The following PDE6D variants were observed in gnomAD, a reference collection of about 807,000 sequenced individuals.
PDE6D encodes phosphodiesterase 6D.
Under a neutral mutation model 21.9 loss-of-function variants are expected in PDE6D, and 10 were observed. That is an observed-to-expected ratio of 0.46 (90% confidence interval 0.28 to 0.78). The LOEUF (loss-of-function observed/expected upper bound fraction) is 0.78. Among genes scored for constraint, PDE6D ranks in the 30% least tolerant of loss-of-function variants. The probability of loss-of-function intolerance (pLI) is 0.12; values close to 1 mark genes in which losing one functional copy is unlikely to be tolerated. For missense variants in PDE6D, 139 were observed against 184.8 expected (o/e 0.75, Z 1.44); for synonymous variants, 59 against 63.5 (o/e 0.93, Z 0.34).
At chr2:231,764,409 C>T (rs2048954315) in intron 1 of PDE6D, among the ~76,000 whole-genome samples, 1 of 152,146 alleles carries the variant, frequency 6.6e-6, no homozygotes, top group African/African-American at 2.4e-5. Flanking sequence ...TCCTCATACA[C>T]ATTTCTGAGG....
intron 1 of PDE6D, among the ~76,000 whole-genome samples, chr2:231,770,949 A>G (rs1049660579): frequency 6.8e-6 from 1 of 145,992 alleles, no homozygotes; most frequent in African/African-American, 2.7e-5. Flanking sequence ...GTGAGACTTC[A>G]TTTCAAAAAA....
At chr2:231,770,837 C>T (rs1041237608) in intron 1 of PDE6D, among the ~76,000 whole-genome samples, 2 of 151,880 alleles carry the variant, frequency 1.3e-5, no homozygotes, top group African/African-American at 4.8e-5. Flanking sequence ...CCTGTAATCC[C>T]AGCTGCTCGG....
rs1025542719 is a variant in PDE6D, at chr2:231,746,331, C to T, written c.51-7143G>A. Among the ~76,000 whole-genome samples, 8 of 152,164 alleles carry T rather than the reference C, an allele frequency of 5.3e-5. No individual in the cohort carries two copies. In the South Asian group the frequency reaches 1.7e-3, roughly 32 times the overall value. ...TAATTTTTTGTATTTTTAGTACAGA[C>T]GGGGTTTCACTATGTTGCCCAGGCT... is the stretch of plus-strand genomic sequence containing the variant. On this transcript the variant is annotated intron_variant, in intron 1 of 4. Transcript: ENST00000287600.
chr2:231,752,391 G>T (rs1244651570), intron 1 of PDE6D, among the ~76,000 whole-genome samples: 1 of 152,144 alleles, frequency 6.6e-6, no homozygotes, highest in Non-Finnish European at 1.5e-5. Flanking sequence ...GTTGTTCCAG[G>T]ATTATATGAA....
intron 1 of PDE6D, among the ~76,000 whole-genome samples, chr2:231,752,026 TTCAA>T (rs2048843811): frequency 6.6e-6 from 1 of 152,250 alleles, no homozygotes; most frequent in African/African-American, 2.4e-5. Context: ...ATTTGTTTTA[TTCAA>T]TCATTTATAT....
At chr2:231,744,434 CTTTTTT>C (rs71396691) in intron 1 of PDE6D, among the ~76,000 whole-genome samples, 2 of 136,222 alleles carry the variant, frequency 1.5e-5, no homozygotes, top group Admixed American at 7.4e-5. Context: ...AATTGCTTTT[CTTTTTT>C]TTTTTTTTTT....
chr2:231,746,205 A>G (rs533694320), intron 1 of PDE6D, among the ~76,000 whole-genome samples: 76 of 151,998 alleles, frequency 5.0e-4, no homozygotes, highest in Non-Finnish European at 9.3e-4. Flanking sequence ...GCAGTGGTGC[A>G]ATCTCGGCTC....
rs180732633 is a variant in PDE6D, at chr2:231,742,322, C to T, written c.51-3134G>A. On this transcript the variant is annotated intron_variant, in intron 1 of 4. Coordinates refer to ENST00000287600, the MANE Select transcript of PDE6D (RefSeq NM_002601.4). ...TTTTTAACTGGAGATGGGGTTTCTC[C>T]ATGTTGTTCAGGCTGGTCTCAAACT... Among the ~76,000 whole-genome samples the T allele has an allele frequency of 4.0e-4, 61 of 152,264 alleles. 1 individual carries two copies. Among genetic ancestry groups the T allele is most frequent in the Admixed American group, 1.6e-3 (25 of 15,288 alleles).
chr2:231,740,176 T>C (rs2048735931), intron 1 of PDE6D, among the ~76,000 whole-genome samples: 1 of 152,204 alleles, frequency 6.6e-6, no homozygotes, highest in East Asian at 1.9e-4. Context: ...TGATGTTCTC[T>C]GTCAGAAAAT....
chr2:231,752,994 G>A (rs1251082167), intron 1 of PDE6D, among the ~76,000 whole-genome samples: 1 of 150,562 alleles, frequency 6.6e-6, no homozygotes, highest in Non-Finnish European at 1.5e-5. Context: ...ACCACGCCCG[G>A]CTAATTTTTT....
At chr2:231,772,084 T>C (rs940292116) in intron 1 of PDE6D, among the ~76,000 whole-genome samples, 6 of 152,168 alleles carry the variant, frequency 3.9e-5, no homozygotes, top group African/African-American at 1.2e-4. Flanking sequence ...AATCTTGTAC[T>C]TCCTCTGAGA....
intron 1 of PDE6D, among the ~76,000 whole-genome samples, chr2:231,757,342 G>T (rs2048890701): frequency 6.6e-6 from 1 of 152,144 alleles, no homozygotes; most frequent in South Asian, 2.1e-4. Context: ...TTGTTGCCCA[G>T]GCTGGAGTGC....
chr2:231,748,643 A>T (rs1470668285), intron 1 of PDE6D, among the ~76,000 whole-genome samples: 2 of 152,226 alleles, frequency 1.3e-5, no homozygotes, highest in Non-Finnish European at 2.9e-5. Flanking sequence ...ACAAGGCCAC[A>T]TCAGAGAACT....
intron 1 of PDE6D, among the ~76,000 whole-genome samples, chr2:231,757,454 C>T (rs775507185): frequency 3.9e-5 from 6 of 152,134 alleles, no homozygotes; most frequent in African/African-American, 7.2e-5. Context: ...CGTGCGACCA[C>T]GCCCAGCTAA....
intron 1 of PDE6D, among the ~76,000 whole-genome samples, 155 bp downstream of exon 1, chr2:231,780,900 GCGCCGGGTCC>G (rs1471752345): frequency 3.9e-4 from 60 of 152,168 alleles, no homozygotes; most frequent in Admixed American, 3.2e-3. Context: ...GGCGCCTCTC[GCGCCGGGTCC>G]CGCCGGGTGC....
At chr2:231,768,268 CTTCCTCA>C (rs2106283635) in intron 1 of PDE6D, among the ~76,000 whole-genome samples, 1 of 152,288 alleles carries the variant, frequency 6.6e-6, no homozygotes, top group Admixed American at 6.5e-5. Context: ...GGTCCTCATC[CTTCCTCA>C]TTCCTGACTC....
intron 1 of PDE6D, among the ~76,000 whole-genome samples, chr2:231,758,173 C>G (rs1219018182): frequency 6.6e-6 from 1 of 152,128 alleles, no homozygotes; most frequent in Non-Finnish European, 1.5e-5. Flanking sequence ...CTTAGATAGA[C>G]AGACAGATAG....
At chr2:231,752,222 C>T (rs2048845153) in intron 1 of PDE6D, among the ~76,000 whole-genome samples, 1 of 146,072 alleles carries the variant, frequency 6.8e-6, no homozygotes, top group African/African-American at 2.6e-5. Flanking sequence ...AGTTTATAGT[C>T]AGAAGGAAAA....
At chr2:231,774,084 C>G (rs2049035199) in intron 1 of PDE6D, among the ~76,000 whole-genome samples, 1 of 152,042 alleles carries the variant, frequency 6.6e-6, no homozygotes, top group African/African-American at 2.4e-5. Flanking sequence ...CAGGTGCACA[C>G]CACTACGCCT....
Sources: allele counts gnomAD v4.1 joint callset (sites outside exome capture counted in the v4.1 genomes callset), GRCh38; gene constraint gnomAD v4.1.1; transcripts MANE v1.5; gene names NCBI Gene and HGNC (gene_info 2026-07-23, HGNC 2026-07-21).